POLR3B: variants seen among roughly 807,000 people sequenced by gnomAD.
The protein encoded by POLR3B is DNA-directed RNA polymerase III subunit RPC2.
POLR3B carries 96 observed loss-of-function variants against 147.4 expected under a neutral mutation model. The observed-to-expected ratio is 0.65, with a 90% CI of 0.55 to 0.77. The LOEUF (loss-of-function observed/expected upper bound fraction) is 0.77, where lower values mean the gene tolerates loss of function less well. POLR3B is among the 30% of genes least tolerant of loss of function. The pLI, the probability that POLR3B is intolerant of heterozygous loss-of-function variation, is 0.00. For synonymous variants in POLR3B, 461 were observed against 485.9 expected (o/e 0.95, Z 0.67); for missense variants, 1,036 against 1,413.5 (o/e 0.73, Z 4.28).
intron 6 of POLR3B, 129 bp from the exon 7 acceptor site, chr12:106,376,230 C>T: frequency 1.4e-6 from 1 of 704,938 alleles, no homozygotes; most frequent in Non-Finnish European, 2.5e-6. Context: ...TGCTATTTCT[C>T]TGCCTTTTCT....
chr12:106,369,303 G>C lies in POLR3B; in HGVS notation c.256G>C (p.Asp86His). Residue 86 changes from aspartate to histidine, a missense_variant, in exon 5 of 28, where the codon GAT (aspartate) becomes CAT (histidine). Transcript: ENST00000228347. ...KYLNIYVGLPDVEESFNVTRP... is the reference protein window; with the variant it reads ...KYLNIYVGLPHVEESFNVTRP... ...TCTTAATATCTATGTTGGGCTTCCT[G>C]ATGTTGAAGAAAGCTTCAATGTAAC... 1 of 1,600,212 alleles carries C rather than the reference G, an allele frequency of 6.2e-7. No homozygotes were observed. Among genetic ancestry groups the C allele is most frequent in the Non-Finnish European group, 8.6e-7 (1 of 1,167,338 alleles).
intron 12 of POLR3B, among the ~76,000 whole-genome samples, chr12:106,417,107 C>T (rs1309281702): frequency 6.6e-6 from 1 of 152,168 alleles, no homozygotes; most frequent in Non-Finnish European, 1.5e-5. Flanking sequence ...ATGCTTCTTC[C>T]CCCTTTTAGA....
At position 106,410,856 on chromosome 12, in the gene POLR3B, A is replaced by G; in HGVS notation, c.997A>G (p.Ile333Val). The G allele has an allele frequency of 6.2e-7, 1 of 1,613,986 alleles. No individual in the cohort carries two copies. The highest frequency in any genetic ancestry group is 8.5e-7 in the Non-Finnish European group (1 of 1,179,870). ...VKEFNFRAKCIYTAVMVRRVI... is the reference protein window; with the variant it reads ...VKEFNFRAKCVYTAVMVRRVI... ...GGAATTCAATTTCCGAGCCAAATGTATCTATACTGCAGTGATGGTGCGAAG... is the reference window on the plus strand; with the variant it reads ...GGAATTCAATTTCCGAGCCAAATGTGTCTATACTGCAGTGATGGTGCGAAG... The change falls in exon 12 of 28, where the codon ATC becomes GTC. Residue 333 changes from isoleucine (I) to valine (V), a missense_variant. This residue lies in a region of POLR3B where 217 missense variants were observed against 288.7 expected (regional missense o/e 0.75). Coordinates refer to ENST00000228347, the MANE Select transcript of POLR3B (RefSeq NM_018082.6).
At chr12:106,407,534 G>A (rs991738418) in intron 11 of POLR3B, among the ~76,000 whole-genome samples, 5 of 152,018 alleles carry the variant, frequency 3.3e-5, no homozygotes, top group African/African-American at 1.2e-4. Flanking sequence ...TGTTTAGTTA[G>A]ACTGATAAAG....
chr12:106,396,625 G>A (rs1232302631), intron 10 of POLR3B, among the ~76,000 whole-genome samples: 1 of 152,198 alleles, frequency 6.6e-6, no homozygotes, highest in Non-Finnish European at 1.5e-5. Context: ...AATTAAAACT[G>A]CAGAGAAAGA....
chr12:106,437,812 C>A (rs535491072), intron 18 of POLR3B, 33 bp downstream of exon 18: 2 of 1,177,652 alleles, frequency 1.7e-6, no homozygotes, highest in Non-Finnish European at 2.6e-6. Context: ...ATAATTAAAA[C>A]GTGTTCTGAC....
chr12:106,412,290 A>G (rs2037238682), intron 12 of POLR3B, among the ~76,000 whole-genome samples: 1 of 152,088 alleles, frequency 6.6e-6, no homozygotes, highest in Admixed American at 6.5e-5. Context: ...ACATCAGCTG[A>G]AATATTCATT....
At position 106,482,460 on chromosome 12, in the gene POLR3B, G is replaced by A. The variant is rs552268237; in HGVS notation, c.2714-13595G>A. On this transcript the variant is annotated intron_variant, in intron 23 of 27. Transcript: ENST00000228347. ...AGGAAAGTTACAATCATGGCAGAAG[G>A]CAAAGGGGAAGCAGGCACATCTTAC... Among the ~76,000 whole-genome samples, 14 of 152,250 alleles carry A rather than the reference G, an allele frequency of 9.2e-5. No individual in the cohort carries two copies. The South Asian group carries it at 2.7e-3, about 29-fold the overall frequency.
intron 23 of POLR3B, among the ~76,000 whole-genome samples, chr12:106,489,317 AG>A (rs1380487561): frequency 1.3e-5 from 2 of 152,192 alleles, no homozygotes; most frequent in African/African-American, 4.8e-5. Context: ...ATCAAAATAT[AG>A]TTTTTTCACT....
At chr12:106,425,813 T>A (rs1010150123) in intron 12 of POLR3B, among the ~76,000 whole-genome samples, 3 of 152,200 alleles carry the variant, frequency 2.0e-5, no homozygotes, top group East Asian at 1.9e-4. Flanking sequence ...CATCCTAACT[T>A]TTCTTTAAAG....
chr12:106,457,366 A>C, intron 21 of POLR3B, 70 bp downstream of exon 21: 1 of 1,357,080 alleles, frequency 7.4e-7, no homozygotes, highest in Non-Finnish European at 1.0e-6. Flanking sequence ...ATATTTCTGA[A>C]TATTTGGCAA....
At chr12:106,384,598 G>A (rs1490801999) in intron 9 of POLR3B, among the ~76,000 whole-genome samples, 1 of 152,084 alleles carries the variant, frequency 6.6e-6, no homozygotes, top group African/African-American at 2.4e-5. Flanking sequence ...TGTCTGTTTT[G>A]CAGTCTATTT....
At chr12:106,487,869 C>T (rs1175923543) in intron 23 of POLR3B, among the ~76,000 whole-genome samples, 1 of 152,094 alleles carries the variant, frequency 6.6e-6, no homozygotes, top group Admixed American at 6.6e-5. Flanking sequence ...CTGGAATAAG[C>T]GAGTCAATAC....
At chr12:106,367,716 G>A (rs761509805) in intron 4 of POLR3B, among the ~76,000 whole-genome samples, 38 of 152,036 alleles carry the variant, frequency 2.5e-4, no homozygotes, top group Non-Finnish European at 5.1e-4. Flanking sequence ...TTTTAACTTT[G>A]TTCACTTGAT....
chr12:106,478,408 C>T (rs2038213148), intron 23 of POLR3B, among the ~76,000 whole-genome samples: 1 of 152,112 alleles, frequency 6.6e-6, no homozygotes, highest in African/African-American at 2.4e-5. Context: ...ACTGTTCATT[C>T]TTAGGGGAGC....
At chr12:106,388,798 A>G (rs915812913) in intron 9 of POLR3B, among the ~76,000 whole-genome samples, 5 of 152,178 alleles carry the variant, frequency 3.3e-5, no homozygotes, top group Non-Finnish European at 7.3e-5. Context: ...CCTTCACACA[A>G]TATATTTCAA....
Position 106,357,916 on chromosome 12 carries a change from C to G in POLR3B, c.37C>G (p.Pro13Ala), listed in dbSNP as rs907908407. 8.1e-6 allele frequency: 13 copies of G among 1,613,408 alleles called. No homozygotes were observed. Among genetic ancestry groups the G allele is most frequent in the Middle Eastern group, 1.8e-4 (1 of 5,646 alleles). Residue 13 changes from proline (P) to alanine (A), a missense_variant, in exon 1 of 28, where the codon CCG becomes GCG. By Grantham distance (27) the Pro-to-Ala change is conservative. Transcript: ENST00000228347. Reference sequence around the variant, plus strand: ...AGCGGAGGAGTTTGGGAACCTGACTCCGGAGCAGCTGGCGGCGCCGATCCC... The same window carrying G: ...AGCGGAGGAGTTTGGGAACCTGACTGCGGAGCAGCTGGCGGCGCCGATCCC... ...VLAEEFGNLT[P>A]EQLAAPIPTV...
chr12:106,466,509 T>G (rs1174443289), intron 23 of POLR3B, among the ~76,000 whole-genome samples: 2 of 152,204 alleles, frequency 1.3e-5, no homozygotes, highest in Non-Finnish European at 2.9e-5. Context: ...TTTGGTGTTT[T>G]AGACATGAAG....
intron 23 of POLR3B, among the ~76,000 whole-genome samples, chr12:106,480,110 C>T (rs1008913605): frequency 2.6e-5 from 4 of 151,944 alleles, no homozygotes; most frequent in African/African-American, 9.7e-5. Flanking sequence ...GCCTCAGCTT[C>T]CCAAAATGGC....
Sources: gnomAD v4.1 joint callset for allele counts (sites outside exome capture counted in the v4.1 genomes callset) on GRCh38, gnomAD v4.1.1 for gene constraint, gnomAD v4.1.1 regional missense constraint, MANE v1.5 for transcripts, NCBI Gene and HGNC (gene_info 2026-07-23, HGNC 2026-07-21) for gene names.